The following GALNT17 variants were observed in gnomAD, a reference collection of about 807,000 sequenced individuals.
The protein encoded by GALNT17 is UDP-GalNAc:polypeptide N-acetylgalactosaminyltransferase-like 3.
GALNT17 carries 29 observed loss-of-function variants against 63.7 expected under a neutral mutation model. The ratio of observed to expected loss-of-function variants is 0.46; its 90% CI spans 0.34 to 0.62. GALNT17 has a LOEUF of 0.62. GALNT17 is among the 20% of genes least tolerant of loss of function. The probability of loss-of-function intolerance (pLI) is 0.01; values close to 1 mark genes in which losing one functional copy is unlikely to be tolerated. For missense variants in GALNT17, 603 were observed against 799.6 expected, an observed-to-expected ratio of 0.75 and a Z score of 2.97; for synonymous variants, 305 against 318.3, an observed-to-expected ratio of 0.96 and a Z score of 0.45.
chr7:71,298,403 T>C (rs919920670), intron 1 of GALNT17, among the ~76,000 whole-genome samples: 1 of 152,112 alleles, frequency 6.6e-6, no homozygotes, highest in African/African-American at 2.4e-5. Flanking sequence ...AAAATAAGGA[T>C]ATATAGTATA....
intron 9 of GALNT17, among the ~76,000 whole-genome samples, chr7:71,699,621 A>G (rs1189046144): frequency 1.3e-5 from 2 of 152,184 alleles, no homozygotes; most frequent in Non-Finnish European, 2.9e-5. Flanking sequence ...ACTAGCCTGT[A>G]GATCAAAATG....
At chr7:71,407,553 C>T (rs142408811) in intron 3 of GALNT17, among the ~76,000 whole-genome samples, 16 of 152,202 alleles carry the variant, frequency 1.1e-4, no homozygotes, top group African/African-American at 3.6e-4. Flanking sequence ...TCAAGACCAG[C>T]CTCAGCAACA....
intron 1 of GALNT17, among the ~76,000 whole-genome samples, chr7:71,144,832 A>C (rs1787984335): frequency 6.6e-6 from 1 of 152,084 alleles, no homozygotes; most frequent in Admixed American, 6.6e-5. Context: ...GGACTCAAGC[A>C]ATTCTCCTGC....
intron 6 of GALNT17, among the ~76,000 whole-genome samples, chr7:71,632,697 G>GA (rs1790469612): frequency 6.6e-6 from 1 of 152,158 alleles, no homozygotes; most frequent in African/African-American, 2.4e-5. Flanking sequence ...TCAGGGCCCA[G>GA]ACCAGGGGGA....
intron 1 of GALNT17, among the ~76,000 whole-genome samples, chr7:71,294,621 G>A (rs1427061587): frequency 2.6e-5 from 4 of 151,956 alleles, no homozygotes; most frequent in African/African-American, 7.2e-5. Context: ...CACCATATTG[G>A]CCAGGCTGGC....
At chr7:71,571,485 G>A in intron 6 of GALNT17, 83 bp downstream of exon 6, 1 of 1,131,322 alleles carries the variant, frequency 8.8e-7, no homozygotes, top group Non-Finnish European at 1.3e-6. Flanking sequence ...TGTATTTAAA[G>A]CTCCTTACAG....
At chr7:71,556,857 C>T (rs557420404) in intron 5 of GALNT17, among the ~76,000 whole-genome samples, 7 of 152,130 alleles carry the variant, frequency 4.6e-5, no homozygotes, top group East Asian at 1.9e-4. Flanking sequence ...TAAGCCACTG[C>T]GCCTGGCCCC....
At chr7:71,160,363 T>A (rs1418835613) in intron 1 of GALNT17, among the ~76,000 whole-genome samples, 1 of 152,220 alleles carries the variant, frequency 6.6e-6, no homozygotes, top group East Asian at 1.9e-4. Context: ...ATTCGTTGAG[T>A]TCCTTCAATG....
rs113904463 is a variant in GALNT17, at chr7:71,670,901, T to TGTGCGC, written c.1404+793_1404+794insTGCGCG. On this transcript the variant is annotated intron_variant, in intron 8 of 10. Coordinates refer to ENST00000333538, the MANE Select transcript of GALNT17 (RefSeq NM_022479.3). ...CGGACTGTGTGTGTGTGTGTGTGTG[T>TGTGCGC]GCGTGTGTGTGTGTGCATGTGTGTG... 2.7e-5 allele frequency among the ~76,000 whole-genome samples: 4 copies of TGTGCGC among 150,290 alleles called. No individual in the cohort carries two copies. In the East Asian group the frequency reaches 5.9e-4, roughly 22 times the overall value.
Position 71,375,946 on chromosome 7 carries a change from G to A in GALNT17, c.423-12289G>A, listed in dbSNP as rs572172590. On this transcript the variant is annotated intron_variant, in intron 2 of 10. Transcript: ENST00000333538. ...TTCAAAAATTAGCCGGTGCGGTGGC[G>A]TGCGCCTGTCATCCCAGCTACTTGA... Among the ~76,000 whole-genome samples the A allele has an allele frequency of 1.7e-3, 255 of 152,182 alleles. 3 individuals are homozygous for A. Among genetic ancestry groups the A allele is most frequent in the African/African-American group, 5.8e-3 (240 of 41,522 alleles).
At chr7:71,553,256 G>C (rs1789110394) in intron 5 of GALNT17, among the ~76,000 whole-genome samples, 1 of 152,078 alleles carries the variant, frequency 6.6e-6, no homozygotes, top group Non-Finnish European at 1.5e-5. Flanking sequence ...GAGCCCAGGA[G>C]GTTGAGACTA....
intron 1 of GALNT17, among the ~76,000 whole-genome samples, chr7:71,219,504 C>G (rs1789545697): frequency 6.6e-6 from 1 of 152,054 alleles, no homozygotes; most frequent in Non-Finnish European, 1.5e-5. Flanking sequence ...TTTTTTTGGT[C>G]TTTTAATTTA....
chr7:71,665,717 A>G (rs1233324381), intron 7 of GALNT17, 121 bp downstream of exon 7: 2 of 1,161,130 alleles, frequency 1.7e-6, no homozygotes, highest in Non-Finnish European at 2.4e-6. Flanking sequence ...AAAATTATGA[A>G]TGCATTTCAA....
Position 71,540,093 on chromosome 7 carries a change from C to CTTTTTTTTTTT in GALNT17, c.963-31167_963-31157dup, listed in dbSNP as rs71089954. 6.0e-4 allele frequency among the ~76,000 whole-genome samples: 20 copies of CTTTTTTTTTTT among 33,548 alleles called. 3 individuals carry two copies. Among genetic ancestry groups the CTTTTTTTTTTT allele is most frequent in the Non-Finnish European group, 1.1e-3 (19 of 18,024 alleles). The allele number at this position is 33,548 out of a possible 152,430, so 22.0% of individuals were successfully genotyped here. A position where few individuals can be genotyped will look rare whatever the true frequency, so the allele number is the denominator to read the frequency against. ...ACAGTTGTGAGCCACTGTGCCTGGC[C>CTTTTTTTTTTT]TTTTTTTTTTTTTTTTTTTTTTTTT... is the stretch of plus-strand genomic sequence containing the variant. On this transcript the variant is annotated intron_variant, in intron 5 of 10. Transcript: ENST00000333538.
At chr7:71,524,174 A>G (rs1788583647) in intron 5 of GALNT17, among the ~76,000 whole-genome samples, 1 of 150,034 alleles carries the variant, frequency 6.7e-6, no homozygotes, top group Non-Finnish European at 1.5e-5. Context: ...TAATAGTTTT[A>G]GTTCTATTAC....
chr7:71,484,796 G>GGTT (rs1450310503), intron 5 of GALNT17, among the ~76,000 whole-genome samples: 1 of 28,014 alleles, frequency 3.6e-5, no homozygotes, highest in Non-Finnish European at 6.7e-5. Context: ...CCAGCATCAG[G>GGTT]ATTTTTTTTT....
Position 71,183,961 on chromosome 7 carries a change from A to T in GALNT17, c.238+50921A>T, listed in dbSNP as rs149042314. ...TCTTCACTAAGAGCTACTGTGAGTTACAGACCGAATTGTCTCCCCACAAAT... is the reference window on the plus strand; with the variant it reads ...TCTTCACTAAGAGCTACTGTGAGTTTCAGACCGAATTGTCTCCCCACAAAT... On this transcript the variant is annotated intron_variant, in intron 1 of 10. Transcript: ENST00000333538. Among the ~76,000 whole-genome samples the T allele has an allele frequency of 3.3e-5, 5 of 152,262 alleles. No homozygotes were observed. The East Asian group carries it at 9.7e-4, about 29-fold the overall frequency.
chr7:71,570,914 G>C lies in GALNT17; in HGVS notation c.963-371G>C, dbSNP rs374255013. On this transcript the variant is annotated intron_variant, in intron 5 of 10. Transcript: ENST00000333538. ...AATTGCTTGAACCTGGGAGGTGGAG[G>C]TTGCGGTGAGCCAAGATTGTATCAT... Among the ~76,000 whole-genome samples the C allele has an allele frequency of 9.8e-4, 149 of 152,220 alleles. 1 individual carries two copies. In the South Asian group the frequency reaches 0.019, roughly 20 times the overall value.
At chr7:71,215,536 G>A (rs1317382284) in intron 1 of GALNT17, among the ~76,000 whole-genome samples, 2 of 152,008 alleles carry the variant, frequency 1.3e-5, no homozygotes, top group Non-Finnish European at 2.9e-5. Context: ...GATTGTAAAT[G>A]TACCCCCACA....
Sources: allele counts gnomAD v4.1 joint callset (sites outside exome capture counted in the v4.1 genomes callset), GRCh38; gene constraint gnomAD v4.1.1; transcripts MANE v1.5; gene names NCBI Gene and HGNC (gene_info 2026-07-23, HGNC 2026-07-21).